Variants in ACYP2 observed in about 807,000 individuals in gnomAD.
ACYP2 encodes the protein acylphosphatase-2.
In ACYP2, 12 loss-of-function variants were observed where a neutral mutation model predicts 11.2. The ratio of observed to expected loss-of-function variants is 1.08; its 90% confidence interval spans 0.69 to 1.74. The LOEUF is 1.74. Ranked by LOEUF, ACYP2 falls within the 40% of genes most tolerant of loss-of-function variation. ACYP2 has a pLI of 0.00. For synonymous variants in ACYP2, 43 were observed against 32.2 expected, an observed-to-expected ratio of 1.33 and a Z score of -1.13; for missense variants, 134 against 101.9, an observed-to-expected ratio of 1.31 and a Z score of -1.35.
intron 2 of ACYP2, among the ~76,000 whole-genome samples, chr2:54,002,206 C>G (rs1162175154): frequency 6.6e-6 from 1 of 152,180 alleles, no homozygotes; most frequent in Non-Finnish European, 1.5e-5. Context: ...GATCTTTTTA[C>G]TGTCTCCACA....
intron 6 of ACYP2, among the ~76,000 whole-genome samples, chr2:54,265,305 C>T (rs843683): frequency 6.6e-6 from 1 of 151,862 alleles, no homozygotes; most frequent in Non-Finnish European, 1.5e-5. Flanking sequence ...CAAAGAGAGA[C>T]AGCTTGTAAA....
chr2:54,057,738 G>A (rs563744939), intron 4 of ACYP2, among the ~76,000 whole-genome samples: 2 of 152,138 alleles, frequency 1.3e-5, no homozygotes, highest in South Asian at 4.1e-4. Context: ...GTTGTTTATA[G>A]GATACTGAAT....
chr2:54,299,939 T>C (rs1287145251), intron 6 of ACYP2, among the ~76,000 whole-genome samples: 1 of 152,184 alleles, frequency 6.6e-6, no homozygotes, highest in African/African-American at 2.4e-5. Context: ...CCTTTAACAT[T>C]TGTCAACTCC....
At chr2:54,013,309 GTGTGTGTT>G (rs1219720049) in intron 2 of ACYP2, among the ~76,000 whole-genome samples, 117 of 132,782 alleles carry the variant, frequency 8.8e-4, no homozygotes, top group Admixed American at 2.0e-3. Flanking sequence ...GTGTGTGTGT[GTGTGTGTT>G]TTGAGACAGA....
At chr2:54,149,869 C>G (rs1432629864) in intron 6 of ACYP2, among the ~76,000 whole-genome samples, 1 of 152,062 alleles carries the variant, frequency 6.6e-6, no homozygotes, top group Admixed American at 6.6e-5. Context: ...GGGAATTTAG[C>G]TGGAGAAAAA....
chr2:53,971,471 C>T (rs557985952), intron 1 of ACYP2: 1 of 152,378 alleles, frequency 6.6e-6, no homozygotes, highest in Admixed American at 6.5e-5. Flanking sequence ...CTTTAAGTCC[C>T]CATCTTTCTG....
intron 2 of ACYP2, among the ~76,000 whole-genome samples, chr2:53,983,595 A>G (rs1292170236): frequency 1.3e-5 from 2 of 152,200 alleles, no homozygotes; most frequent in Middle Eastern, 3.2e-3. Flanking sequence ...CCATATGCTT[A>G]GGGAGCGAGA....
At chr2:54,274,495 ACCAGG>A (rs1688457705) in intron 6 of ACYP2, among the ~76,000 whole-genome samples, 1 of 151,868 alleles carries the variant, frequency 6.6e-6, no homozygotes, top group African/African-American at 2.4e-5. Flanking sequence ...TAAAAAATTA[ACCAGG>A]TACGGTGGTG....
At chr2:54,142,019 TGTTG>T (rs1309704537) in intron 6 of ACYP2, 16 of 182,322 alleles carry the variant, frequency 8.8e-5, no homozygotes, top group Admixed American at 1.7e-4. Context: ...GTGTATATTT[TGTTG>T]TTGTTGTTGT....
chr2:54,256,349 T>C lies in ACYP2; in HGVS notation c.405-48339T>C. 5.0e-6 allele frequency: 3 copies of C among 605,130 alleles called. No individual in the cohort carries two copies. In the South Asian group the frequency reaches 6.8e-5, roughly 14 times the overall value. 37.5% of individuals were successfully genotyped at this position (605,130 alleles called of 1,614,324 possible). A position where few individuals can be genotyped will look rare whatever the true frequency, so the allele number is the denominator to read the frequency against. On this transcript the variant is annotated intron_variant, in intron 6 of 6. Coordinates refer to ENST00000607452, the MANE Select transcript of ACYP2 (RefSeq NM_001320586.2). Reference sequence around the variant, plus strand: ...TGTGGTGGTGTCTTTACGTCTTTGTTATTTTAGCCATCGTGCTGGATGAGT... The same window carrying C: ...TGTGGTGGTGTCTTTACGTCTTTGTCATTTTAGCCATCGTGCTGGATGAGT...
intron 4 of ACYP2, among the ~76,000 whole-genome samples, chr2:54,093,816 T>C (rs952864000): frequency 1.3e-4 from 20 of 152,110 alleles, no homozygotes; most frequent in Non-Finnish European, 2.4e-4. Context: ...CGTGGGCGCC[T>C]GTAGTCCCAG....
At chr2:54,046,078 G>C (rs1675504745) in intron 2 of ACYP2, among the ~76,000 whole-genome samples, 1 of 150,946 alleles carries the variant, frequency 6.6e-6, no homozygotes, top group East Asian at 1.9e-4. Flanking sequence ...GCTGAGGTAG[G>C]AGGATTGCTT....
chr2:53,999,607 C>G (rs901634493), intron 2 of ACYP2, among the ~76,000 whole-genome samples: 6 of 152,090 alleles, frequency 3.9e-5, no homozygotes, highest in Non-Finnish European at 8.8e-5. Flanking sequence ...GCTGCTAGGA[C>G]AAGACATAAA....
intron 2 of ACYP2, chr2:53,975,376 AT>A: frequency 1.0e-5 from 4 of 397,854 alleles, no homozygotes; most frequent in Non-Finnish European, 1.8e-5. Flanking sequence ...GGAGAACACT[AT>A]TGAAATGCTT....
intron 6 of ACYP2, among the ~76,000 whole-genome samples, chr2:54,150,244 ATGGCCTCAAAGCC>A: frequency 6.6e-6 from 1 of 152,298 alleles, no homozygotes; most frequent in Non-Finnish European, 1.5e-5. Flanking sequence ...CAAAGACTGG[ATGGCCTCAAAGCC>A]TGAACTATTT....
intron 2 of ACYP2, among the ~76,000 whole-genome samples, chr2:54,042,950 A>G (rs1675316152): frequency 1.3e-5 from 2 of 152,188 alleles, no homozygotes; most frequent in Non-Finnish European, 2.9e-5. Flanking sequence ...ATAGCACAAA[A>G]TAAATGCTCT....
intron 6 of ACYP2, among the ~76,000 whole-genome samples, chr2:54,291,414 T>C (rs1311051645): frequency 6.6e-6 from 1 of 152,016 alleles, no homozygotes; most frequent in Non-Finnish European, 1.5e-5. Flanking sequence ...AATCCCAGAG[T>C]GAAGAATTTC....
At chr2:54,106,522 A>T (rs1679169577) in intron 4 of ACYP2, among the ~76,000 whole-genome samples, 1 of 152,138 alleles carries the variant, frequency 6.6e-6, no homozygotes, top group Non-Finnish European at 1.5e-5. Context: ...ATTTTAAAGG[A>T]TATAGTAGAT....
chr2:54,182,482 C>G (rs1340950553), intron 6 of ACYP2, among the ~76,000 whole-genome samples: 1 of 152,168 alleles, frequency 6.6e-6, no homozygotes, highest in Non-Finnish European at 1.5e-5. Context: ...GCTGGGACTA[C>G]AGGCATGCGT....
Sources: allele counts gnomAD v4.1 joint callset (sites outside exome capture counted in the v4.1 genomes callset), GRCh38; gene constraint gnomAD v4.1.1; transcripts MANE v1.5; gene names NCBI Gene and HGNC (gene_info 2026-07-23, HGNC 2026-07-21).